The following PAX3 variants were observed in gnomAD, a reference collection of about 807,000 sequenced individuals.
PAX3 encodes paired box 3.
A neutral mutation model predicts 51.6 loss-of-function variants in PAX3; 14 were observed. The ratio of observed to expected loss-of-function variants is 0.27; its 90% confidence interval spans 0.18 to 0.42. The LOEUF (loss-of-function observed/expected upper bound fraction) is 0.42. PAX3 is among the 10% of genes least tolerant of loss of function. The pLI is 1.00. For synonymous variants in PAX3, 280 were observed against 253.4 expected, an observed-to-expected ratio of 1.11 and a Z score of -1.00; for missense variants, 540 against 642.8, an observed-to-expected ratio of 0.84 and a Z score of 1.73.
chr2:222,273,974 G>A lies in PAX3; in HGVS notation c.586+20193C>T, dbSNP rs977184389. On this transcript the variant is annotated intron_variant, in intron 4 of 8. Coordinates refer to ENST00000392070, the MANE Select transcript of PAX3 (RefSeq NM_181458.4). ...TGTAATCTGTTCTGCAAGTAAATTCGGAGTTTGGTACTTATTTGGTTCCTA... is the reference window on the plus strand; with the variant it reads ...TGTAATCTGTTCTGCAAGTAAATTCAGAGTTTGGTACTTATTTGGTTCCTA... 3.9e-5 allele frequency among the ~76,000 whole-genome samples: 6 copies of A among 152,180 alleles called. No homozygotes were observed. The East Asian group carries it at 5.8e-4, about 15-fold the overall frequency.
chr2:222,241,127 A>G (rs1367412), intron 4 of PAX3, among the ~76,000 whole-genome samples: 88,084 of 151,488 alleles, frequency 0.58, 26,358 homozygotes, highest in East Asian at 0.83. Flanking sequence ...AGTAAGCTAA[A>G]TTCTAGTTTA....
intron 7 of PAX3, among the ~76,000 whole-genome samples, chr2:222,203,659 T>C (rs368371932): frequency 6.6e-6 from 1 of 152,122 alleles, no homozygotes; most frequent in Non-Finnish European, 1.5e-5. Flanking sequence ...GGGGCGGGTC[T>C]AGTTTTGCTT....
At chr2:222,270,864 T>A (rs1320446880) in intron 4 of PAX3, among the ~76,000 whole-genome samples, 1 of 152,178 alleles carries the variant, frequency 6.6e-6, no homozygotes, top group Non-Finnish European at 1.5e-5. Flanking sequence ...AGTAACTAGG[T>A]CCCTTATGTC....
chr2:222,241,879 G>A (rs1337857075), intron 4 of PAX3, among the ~76,000 whole-genome samples: 1 of 152,158 alleles, frequency 6.6e-6, no homozygotes, highest in Non-Finnish European at 1.5e-5. Flanking sequence ...CTATGAAATA[G>A]GACATAAGAT....
In PAX3 at chr2:222,232,099, C is replaced by T; in HGVS notation, c.771G>A (p.Lys257=). ...GTACCTGTACTCGGGCCTCGGTGAG[C>T]TTCGCCCTCTGGGCCAGTTCCTCCC... The part of the protein sequence containing the change: ...YTREELAQRA[K]LTEARVQVWF... The change falls in exon 5 of 9, where the codon AAG becomes AAA. Residue 257 remains lysine (K), a synonymous_variant. Coordinates refer to ENST00000392070, the MANE Select transcript of PAX3 (RefSeq NM_181458.4). 6.2e-7 allele frequency: 1 copy of T among 1,614,012 alleles called. No individual in the cohort carries two copies. Among genetic ancestry groups the T allele is most frequent in the Non-Finnish European group, 8.5e-7 (1 of 1,179,950 alleles).
chr2:222,204,370 T>C (rs188288596), intron 7 of PAX3, among the ~76,000 whole-genome samples: 2 of 152,340 alleles, frequency 1.3e-5, no homozygotes, highest in Admixed American at 1.3e-4. Flanking sequence ...TATGGGTTCT[T>C]TTTGCCTTTA....
intron 4 of PAX3, among the ~76,000 whole-genome samples, chr2:222,268,589 G>A (rs1398135166): frequency 2.6e-5 from 4 of 152,194 alleles, no homozygotes. Flanking sequence ...AAAGAGCTGA[G>A]TTTCCTACCT....
intron 4 of PAX3, among the ~76,000 whole-genome samples, chr2:222,241,208 T>C (rs1693002356): frequency 6.6e-6 from 1 of 152,154 alleles, no homozygotes; most frequent in Admixed American, 6.6e-5. Flanking sequence ...ACAGTAGTTC[T>C]CGTGAAAGGA....
intron 8 of PAX3, 111 bp downstream of exon 8, chr2:222,201,832 AT>A: frequency 6.3e-7 from 1 of 1,584,150 alleles, no homozygotes; most frequent in Non-Finnish European, 8.6e-7. Context: ...AAAAAAAAAA[AT>A]TGATACCGGC....
At chr2:222,285,406 G>T (rs1028504036) in intron 4 of PAX3, among the ~76,000 whole-genome samples, 1 of 152,226 alleles carries the variant, frequency 6.6e-6, no homozygotes, top group Non-Finnish European at 1.5e-5. Flanking sequence ...CCAAGAGCCT[G>T]TGAACTGGGT....
intron 4 of PAX3, among the ~76,000 whole-genome samples, chr2:222,237,451 C>T (rs1311404084): frequency 6.6e-6 from 1 of 151,722 alleles, no homozygotes; most frequent in African/African-American, 2.4e-5. Flanking sequence ...ACCATTTATC[C>T]CAAATTTTGA....
At position 222,276,648 on chromosome 2, in the gene PAX3, C is replaced by T. The variant is rs528714566; in HGVS notation, c.586+17519G>A. Among the ~76,000 whole-genome samples, 14 of 152,288 alleles carry T rather than the reference C, an allele frequency of 9.2e-5. No homozygotes were observed. The South Asian group carries it at 2.5e-3, about 27-fold the overall frequency. ...AGGAGGGGAGAATGAGGTCCAGAAA[C>T]GGAAAGCAACCAGGTCCCAGTAATA... On this transcript the variant is annotated intron_variant, in intron 4 of 8. Transcript: ENST00000392070.
intron 5 of PAX3, among the ~76,000 whole-genome samples, chr2:222,224,716 T>C (rs1273248930): frequency 1.3e-5 from 2 of 152,244 alleles, no homozygotes; most frequent in East Asian, 3.8e-4. Flanking sequence ...ACTCTTTCAA[T>C]ATTGTATCAC....
At chr2:222,294,382 C>T in intron 3 of PAX3, 81 bp from the exon 4 acceptor site, 2 of 1,530,374 alleles carry the variant, frequency 1.3e-6, no homozygotes, top group Non-Finnish European at 1.8e-6. Context: ...CCCCCCACCC[C>T]CAAACACCAG....
chr2:222,232,333 A>T (rs1692628807), intron 4 of PAX3, 50 bp from the exon 5 acceptor site: 1 of 1,528,404 alleles, frequency 6.5e-7, no homozygotes, highest in African/African-American at 1.4e-5. Context: ...CAAAAAAATA[A>T]AACTGAGATT....
Position 222,298,611 on chromosome 2 carries a change from G to T in PAX3, c.5C>A (p.Thr2Asn). Reference protein sequence around the residue: MTTLAGAVPRMM... With the variant: MNTLAGAVPRMM... Reference sequence around the variant, plus strand: ...CCTGGGCACAGCGCCGGCCAGCGTGGTCATCCTGGGGGCAGCTTCGCTCGG... The same window carrying T: ...CCTGGGCACAGCGCCGGCCAGCGTGTTCATCCTGGGGGCAGCTTCGCTCGG... The change falls in exon 1 of 9, where the codon ACC (threonine) becomes AAC (asparagine). Residue 2 changes from threonine (T) to asparagine (N), a missense_variant. Physicochemically the swap from Thr to Asn is moderately conservative, Grantham distance 65 (BLOSUM62 0). Coordinates refer to ENST00000392070, the MANE Select transcript of PAX3 (RefSeq NM_181458.4). 6.2e-7 allele frequency: 1 copy of T among 1,605,356 alleles called. No individual in the cohort carries two copies. Among genetic ancestry groups the T allele is most frequent in the Non-Finnish European group, 8.5e-7 (1 of 1,176,326 alleles).
At chr2:222,260,228 T>C (rs1211366252) in intron 4 of PAX3, among the ~76,000 whole-genome samples, 2 of 151,922 alleles carry the variant, frequency 1.3e-5, no homozygotes, top group Non-Finnish European at 1.5e-5. Flanking sequence ...ATCACAAGAT[T>C]GAAGTGGCAA....
intron 4 of PAX3, among the ~76,000 whole-genome samples, chr2:222,266,655 T>A (rs1694065357): frequency 1.3e-5 from 2 of 152,344 alleles, no homozygotes; most frequent in Admixed American, 6.5e-5. Flanking sequence ...AGCTTTACAA[T>A]TAGTACATTA....
At chr2:222,232,559 C>G (rs1359339653) in intron 4 of PAX3, among the ~76,000 whole-genome samples, 2 of 152,144 alleles carry the variant, frequency 1.3e-5, no homozygotes, top group African/African-American at 4.8e-5. Flanking sequence ...CCTACTCTAT[C>G]TTTCTGCCCC....
Sources: allele counts gnomAD v4.1 joint callset (sites outside exome capture counted in the v4.1 genomes callset), GRCh38; gene constraint gnomAD v4.1.1; transcripts MANE v1.5; gene names NCBI Gene and HGNC (gene_info 2026-07-23, HGNC 2026-07-21).